The following ROR1 variants were observed in gnomAD, a reference collection of about 807,000 sequenced individuals.
ROR1 encodes the protein inactive tyrosine-protein kinase transmembrane receptor ROR1.
A neutral mutation model predicts 78.8 loss-of-function variants in ROR1; 19 were observed. That is an observed-to-expected ratio of 0.24 (90% confidence interval 0.17 to 0.35). The LOEUF is 0.35. Ranked by LOEUF, ROR1 falls within the 10% of genes least tolerant of loss-of-function variation. The pLI is 1.00. For synonymous variants in ROR1, 386 were observed against 433.6 expected, an observed-to-expected ratio of 0.89 and a Z score of 1.36; for missense variants, 917 against 1,177.8, an observed-to-expected ratio of 0.78 and a Z score of 3.24.
chr1:63,850,790 T>C (rs1645109350), intron 1 of ROR1, among the ~76,000 whole-genome samples: 1 of 152,176 alleles, frequency 6.6e-6, no homozygotes, highest in South Asian at 2.1e-4. Context: ...ACACATTATG[T>C]ACATTTCTAA....
intron 1 of ROR1, among the ~76,000 whole-genome samples, chr1:63,897,277 A>G (rs1026821902): frequency 1.3e-5 from 2 of 152,250 alleles, no homozygotes; most frequent in African/African-American, 2.4e-5. Context: ...AACATACATA[A>G]ATTTTAAAGC....
intron 2 of ROR1, among the ~76,000 whole-genome samples, chr1:64,038,499 C>T (rs1646721200): frequency 6.6e-6 from 1 of 152,160 alleles, no homozygotes; most frequent in Non-Finnish European, 1.5e-5. Flanking sequence ...TCTTAAGGGG[C>T]TCCTGAAGGA....
At chr1:63,887,328 T>C (rs1333421909) in intron 1 of ROR1, among the ~76,000 whole-genome samples, 2 of 152,136 alleles carry the variant, frequency 1.3e-5, no homozygotes, top group Non-Finnish European at 2.9e-5. Flanking sequence ...GGGCTTGAAA[T>C]TGTGATGGGG....
chr1:63,960,274 A>G (rs947995664), intron 1 of ROR1, among the ~76,000 whole-genome samples: 51 of 152,226 alleles, frequency 3.4e-4, no homozygotes, highest in African/African-American at 1.2e-3. Flanking sequence ...TCTTTTGGGA[A>G]CGGGAGACCT....
At chr1:63,776,214 T>C (rs528996717) in intron 1 of ROR1, among the ~76,000 whole-genome samples, 11 of 152,370 alleles carry the variant, frequency 7.2e-5, no homozygotes, top group Non-Finnish European at 1.5e-4. Flanking sequence ...CATAGCCCCT[T>C]GTGGGGGTGG....
intron 4 of ROR1, among the ~76,000 whole-genome samples, chr1:64,085,520 G>T (rs1647145333): frequency 6.6e-6 from 1 of 152,182 alleles, no homozygotes; most frequent in Admixed American, 6.5e-5. Context: ...CATTCTTTGA[G>T]AATGTGTTTA....
intron 1 of ROR1, among the ~76,000 whole-genome samples, chr1:63,901,816 A>T (rs1645487243): frequency 6.6e-6 from 1 of 152,180 alleles, no homozygotes; most frequent in Admixed American, 6.5e-5. Flanking sequence ...AGATTGTGCT[A>T]GCTAGTGTAC....
chr1:63,983,243 C>T (rs1032132050), intron 1 of ROR1, among the ~76,000 whole-genome samples: 6 of 151,990 alleles, frequency 3.9e-5, no homozygotes, highest in South Asian at 2.1e-4. Flanking sequence ...AACGGAAGTC[C>T]GGAAGACTCA....
chr1:63,778,496 C>G (rs1238343247), intron 1 of ROR1, among the ~76,000 whole-genome samples: 1 of 152,172 alleles, frequency 6.6e-6, no homozygotes, highest in Admixed American at 6.5e-5. Flanking sequence ...GGCCCCACTT[C>G]TCACCTCCCA....
At chr1:64,132,655 G>C (rs1321670833) in intron 4 of ROR1, among the ~76,000 whole-genome samples, 1 of 150,972 alleles carries the variant, frequency 6.6e-6, no homozygotes, top group East Asian at 2.0e-4. Context: ...AGCTACTCAG[G>C]AGGCTGAGGA....
Position 64,149,985 on chromosome 1 carries a change from T to C in ROR1, c.1174+7335T>C, listed in dbSNP as rs190010493. On this transcript the variant is annotated intron_variant, in intron 7 of 8. Transcript: ENST00000371079. ...CAAGACTTATGTTCTCTCTCTCTCT[T>C]TCTCTCTGTCTCTCATTTAGATCCC... 5.9e-5 allele frequency among the ~76,000 whole-genome samples: 9 copies of C among 152,248 alleles called. No homozygotes were observed. The East Asian group carries it at 1.7e-3, about 29-fold the overall frequency.
intron 1 of ROR1, among the ~76,000 whole-genome samples, chr1:64,001,748 G>A (rs2100533521): frequency 6.6e-6 from 1 of 152,232 alleles, no homozygotes; most frequent in East Asian, 1.9e-4. Context: ...ACTTTAGGCA[G>A]GGAGCTCAGA....
chr1:63,817,102 A>C (rs1183410134), intron 1 of ROR1, among the ~76,000 whole-genome samples: 5 of 152,216 alleles, frequency 3.3e-5, no homozygotes, highest in Non-Finnish European at 7.3e-5. Flanking sequence ...ATGCCTTCTA[A>C]ATATGTATTT....
intron 1 of ROR1, among the ~76,000 whole-genome samples, chr1:63,836,375 A>G (rs1645018851): frequency 6.6e-6 from 1 of 152,196 alleles, no homozygotes; most frequent in South Asian, 2.1e-4. Context: ...ACGAACCATA[A>G]ATAGTGTCTA....
At chr1:64,027,452 G>A (rs1167500062) in intron 2 of ROR1, among the ~76,000 whole-genome samples, 1 of 152,014 alleles carries the variant, frequency 6.6e-6, no homozygotes, top group East Asian at 1.9e-4. Flanking sequence ...TTAATCAATG[G>A]CAATTAACTA....
At chr1:63,916,472 A>G (rs1487028984) in intron 1 of ROR1, among the ~76,000 whole-genome samples, 2 of 152,254 alleles carry the variant, frequency 1.3e-5, no homozygotes, top group African/African-American at 4.8e-5. Context: ...CCCATGCTTC[A>G]CAAATACAAG....
chr1:63,985,723 A>C (rs1193302191), intron 1 of ROR1, among the ~76,000 whole-genome samples: 2 of 151,056 alleles, frequency 1.3e-5, no homozygotes, highest in African/African-American at 4.8e-5. Flanking sequence ...TCTTTAAAAA[A>C]TAATAATTAT....
chr1:64,006,552 A>T (rs572375212), intron 1 of ROR1, among the ~76,000 whole-genome samples: 1 of 152,324 alleles, frequency 6.6e-6, no homozygotes, highest in Admixed American at 6.5e-5. Context: ...GAGGTTGATA[A>T]CAGAAGCACT....
At chr1:63,831,228 C>T (rs547392788) in intron 1 of ROR1, among the ~76,000 whole-genome samples, 2 of 152,340 alleles carry the variant, frequency 1.3e-5, no homozygotes, top group African/African-American at 4.8e-5. Context: ...GCCCTCTTCT[C>T]TCAGCTCTAC....
Sources: allele counts gnomAD v4.1 joint callset (sites outside exome capture counted in the v4.1 genomes callset), GRCh38; gene constraint gnomAD v4.1.1; transcripts MANE v1.5; gene names NCBI Gene and HGNC (gene_info 2026-07-23, HGNC 2026-07-21).